Variants in VWF observed in about 807,000 individuals in gnomAD.
The protein encoded by VWF is Factor VIII related antigen.
VWF carries 176 observed loss-of-function variants against 308.6 expected under a neutral mutation model. The ratio of observed to expected loss-of-function variants is 0.57; its 90% CI spans 0.50 to 0.65. The LOEUF is 0.65. VWF is among the 30% of genes least tolerant of loss of function. VWF has a pLI of 0.00. For synonymous variants in VWF, 1,385 were observed against 1,443.4 expected (o/e 0.96, Z 0.92); for missense variants, 3,146 against 3,648.2 (o/e 0.86, Z 3.55).
At chr12:6,120,083 T>C (rs2136534125) in intron 3 of VWF, among the ~76,000 whole-genome samples, 1 of 152,250 alleles carries the variant, frequency 6.6e-6, no homozygotes, top group South Asian at 2.1e-4. Context: ...TATAGCCAGG[T>C]GCTAGACAGA....
In VWF at chr12:6,034,656, C is replaced by A. The variant is rs374726621; in HGVS notation, c.2685+32G>T. 2.4e-5 allele frequency: 39 copies of A among 1,613,282 alleles called. No homozygotes were observed. In the East Asian group the frequency reaches 8.2e-4, roughly 34 times the overall value. On this transcript the variant is annotated intron_variant, in intron 20 of 51. Coordinates refer to ENST00000261405, the MANE Select transcript of VWF (RefSeq NM_000552.5). Reference sequence around the variant, plus strand: ...ACCTCCCACCCCTCCTAGAAAGAAACAGCACCCTCTCCCCATCTCCCCACC... The same window carrying A: ...ACCTCCCACCCCTCCTAGAAAGAAAAAGCACCCTCTCCCCATCTCCCCACC...
chr12:5,964,704 T>C (rs1478796916), intron 47 of VWF, among the ~76,000 whole-genome samples: 2 of 152,154 alleles, frequency 1.3e-5, no homozygotes, highest in Non-Finnish European at 2.9e-5. Flanking sequence ...GAACTTGGCG[T>C]GTCTTCAGGA....
intron 47 of VWF, among the ~76,000 whole-genome samples, chr12:5,965,936 G>T (rs1395791863): frequency 2.0e-5 from 3 of 152,196 alleles, no homozygotes; most frequent in Non-Finnish European, 2.9e-5. Context: ...AAAAGAAGAA[G>T]AATACACAGG....
intron 18 of VWF, among the ~76,000 whole-genome samples, chr12:6,041,480 G>A (rs191167660): frequency 0.013 from 1,924 of 151,166 alleles, 38 homozygotes; most frequent in African/African-American, 0.042. Flanking sequence ...ACGGAGTCTC[G>A]CTCTGTCGCT....
intron 9 of VWF, among the ~76,000 whole-genome samples, 168 bp from the exon 10 acceptor site, chr12:6,071,511 A>T (rs964674576): frequency 1.3e-5 from 2 of 152,182 alleles, no homozygotes; most frequent in Non-Finnish European, 2.9e-5. Flanking sequence ...TACAGGACAG[A>T]GCTTTGGCCA....
intron 42 of VWF, among the ~76,000 whole-genome samples, chr12:5,977,875 C>CTA (rs1212796313): frequency 6.8e-4 from 101 of 147,500 alleles, no homozygotes; most frequent in Non-Finnish European, 1.2e-3. Flanking sequence ...ATCTCTCTCT[C>CTA]TATATATATA....
intron 6 of VWF, among the ~76,000 whole-genome samples, chr12:6,093,277 T>C (rs1945070311): frequency 1.3e-5 from 2 of 152,082 alleles, no homozygotes; most frequent in Non-Finnish European, 2.9e-5. Flanking sequence ...TGTCCAGTGT[T>C]GGCTGCCAAG....
intron 5 of VWF, among the ~76,000 whole-genome samples, chr12:6,109,889 A>G (rs1945286215): frequency 6.6e-6 from 1 of 152,202 alleles, no homozygotes; most frequent in Non-Finnish European, 1.5e-5. Context: ...TGACCTCATG[A>G]TCCGCCTGCC....
chr12:6,069,309 C>CG (rs35802767), intron 10 of VWF, among the ~76,000 whole-genome samples: 123 of 152,252 alleles, frequency 8.1e-4, no homozygotes, highest in African/African-American at 2.7e-3. Flanking sequence ...GATCTGAATA[C>CG]GGGCAGGTCT....
rs758324527 is a variant in VWF, at chr12:6,121,219, A to G, written c.175T>C (p.Tyr59His). Residue 59 changes from tyrosine (Y) to histidine (H), a missense_variant, in exon 3 of 52, where the codon TAC (tyrosine) becomes CAC (histidine). This residue lies in a region of VWF where 1,304 missense variants were observed against 1,353.0 expected (regional missense o/e 0.96). Coordinates refer to ENST00000261405, the MANE Select transcript of VWF (RefSeq NM_000552.5). ...SMYSFAGYCS[Y>H]LLAGGCQKRS... ...TTCTGGCAGCCCCCTGCCAGGAGGT[A>G]ACTGCAGTATCCCGCAAAGCTGTAC... 6.2e-7 allele frequency: 1 copy of G among 1,614,208 alleles called. No homozygotes were observed. Among genetic ancestry groups the G allele is most frequent in the Non-Finnish European group, 8.5e-7 (1 of 1,180,022 alleles).
At chr12:6,030,826 G>A (rs11835809) in intron 21 of VWF, among the ~76,000 whole-genome samples, 38,136 of 151,904 alleles carry the variant, frequency 0.25, 5,120 homozygotes, top group African/African-American at 0.32. Context: ...TCTGGAGTTC[G>A]AGACCAGCCT....
intron 13 of VWF, among the ~76,000 whole-genome samples, chr12:6,059,826 ATAAG>A (rs1944634118): frequency 6.6e-6 from 1 of 152,252 alleles, no homozygotes; most frequent in South Asian, 2.1e-4. Flanking sequence ...AAATGAATGA[ATAAG>A]TAAGTGAATG....
rs1237542963 is a variant in VWF at position 6,095,442 on chromosome 12, A to G, written c.657+18T>C. 6.2e-7 allele frequency: 1 copy of G among 1,613,972 alleles called. No individual in the cohort carries two copies. Among genetic ancestry groups the G allele is most frequent in the East Asian group, 2.2e-5 (1 of 44,866 alleles). On this transcript the variant is annotated intron_variant, in intron 6 of 51. Transcript: ENST00000261405. The stretch of plus-strand genomic sequence containing the variant: ...AATCACACACCATCCAGGTGCACCC[A>G]GGCCAGTCCACACCCACCTTCTGCA...
chr12:5,957,844 C>T (rs1943267886), intron 47 of VWF, among the ~76,000 whole-genome samples: 1 of 152,100 alleles, frequency 6.6e-6, no homozygotes, highest in Admixed American at 6.5e-5. Context: ...ATATAAATCA[C>T]CACTTTCAGT....
intron 10 of VWF, among the ~76,000 whole-genome samples, chr12:6,067,038 C>G (rs1411386173): frequency 6.6e-6 from 1 of 152,166 alleles, no homozygotes; most frequent in Non-Finnish European, 1.5e-5. Context: ...TGGAAAGGCC[C>G]CAGATCACTC....
At chr12:6,002,666 G>C (rs1016136095) in intron 34 of VWF, among the ~76,000 whole-genome samples, 2 of 151,860 alleles carry the variant, frequency 1.3e-5, no homozygotes, top group African/African-American at 4.8e-5. Flanking sequence ...ATTAAAGAAA[G>C]TTACTCCACC....
chr12:5,983,306 T>C (rs746203038), intron 40 of VWF, 52 bp from the exon 41 acceptor site: 4 of 1,560,336 alleles, frequency 2.6e-6, no homozygotes, highest in Non-Finnish European at 8.7e-7. Context: ...GGTTACTCTT[T>C]TATTACCTGT....
chr12:6,029,094 A>AG (rs1316204948), intron 22 of VWF, among the ~76,000 whole-genome samples: 1 of 152,066 alleles, frequency 6.6e-6, no homozygotes, highest in Non-Finnish European at 1.5e-5. Flanking sequence ...AGGCAAAAAA[A>AG]AAAAAGCAGG....
rs55842185 is a variant in VWF, at chr12:6,051,286, CTTTTTTT to C, written c.2186+1250_2186+1256del. The stretch of plus-strand genomic sequence containing the variant: ...TTCCATAATCAGGACTTCTTTTTTT[CTTTTTTT>C]TTTTTTTTTTTTTTTTGAGATAGAG... On this transcript the variant is annotated intron_variant, in intron 16 of 51. Transcript: ENST00000261405. 1.7e-3 allele frequency among the ~76,000 whole-genome samples: 204 copies of C among 117,474 alleles called. 2 individuals are homozygous for C. The highest frequency in any genetic ancestry group is 0.016 in the South Asian group (61 of 3,798). The allele number at this position is 117,474 out of a possible 152,430, so 77.1% of individuals were successfully genotyped here. A position where few individuals can be genotyped will look rare whatever the true frequency, so the allele number is the denominator to read the frequency against.
Sources: allele counts gnomAD v4.1 joint callset (sites outside exome capture counted in the v4.1 genomes callset), GRCh38; gene constraint gnomAD v4.1.1; regional missense constraint gnomAD v4.1.1; transcripts MANE v1.5; gene names NCBI Gene and HGNC (gene_info 2026-07-23, HGNC 2026-07-21).